CDH20: variants seen among roughly 807,000 people sequenced by gnomAD.
The protein encoded by CDH20 is cadherin-20.
A neutral mutation model predicts 74.2 loss-of-function variants in CDH20; 29 were observed. The observed-to-expected ratio is 0.39, with a 90% confidence interval of 0.29 to 0.53. The LOEUF (loss-of-function observed/expected upper bound fraction) is 0.53, where lower values mean the gene tolerates loss of function less well. Ranked by LOEUF, CDH20 falls within the 20% of genes least tolerant of loss-of-function variation. The pLI is 0.69. For missense variants in CDH20, 988 were observed against 1,048.3 expected (o/e 0.94, Z 0.79); for synonymous variants, 469 against 405.4 (o/e 1.16, Z -1.88).
chr18:61,525,000 G>C (rs1912340415), intron 6 of CDH20, among the ~76,000 whole-genome samples: 1 of 148,716 alleles, frequency 6.7e-6, no homozygotes, highest in Non-Finnish European at 1.5e-5. Flanking sequence ...TAACTCAAAA[G>C]ATTACATACT....
intron 1 of CDH20, among the ~76,000 whole-genome samples, chr18:61,339,637 G>C (rs17736180): frequency 0.46 from 68,548 of 149,042 alleles, 17,146 homozygotes; most frequent in East Asian, 0.68. Context: ...CTAATAAAGT[G>C]ATAATTTGAT....
chr18:61,490,511 T>C lies in CDH20; in HGVS notation c.-43T>C, dbSNP rs374394371. ...AATTTGGAAAATACTCAAGTTCCAG[T>C]TGCTTATCATTCTCCTTCATTTTCT... On this transcript the variant is annotated 5_prime_UTR_variant, in exon 2 of 12. Coordinates refer to ENST00000262717, the MANE Select transcript of CDH20 (RefSeq NM_031891.4). 1.2e-4 allele frequency: 197 copies of C among 1,593,016 alleles called. 1 individual carries two copies. Among genetic ancestry groups the C allele is most frequent in the Non-Finnish European group, 1.6e-4 (184 of 1,163,982 alleles).
At chr18:61,428,347 C>G (rs180972765) in intron 1 of CDH20, among the ~76,000 whole-genome samples, 193 of 152,278 alleles carry the variant, frequency 1.3e-3, no homozygotes, top group Non-Finnish European at 2.4e-3. Flanking sequence ...TAGGCGGCCC[C>G]AGATGTCTCA....
At chr18:61,430,902 C>T (rs1335536491) in intron 1 of CDH20, among the ~76,000 whole-genome samples, 1 of 152,098 alleles carries the variant, frequency 6.6e-6, no homozygotes, top group African/African-American at 2.4e-5. Flanking sequence ...GCCCTGGTTC[C>T]TTTTCCTGGA....
chr18:61,412,248 T>C (rs949781568), intron 1 of CDH20, among the ~76,000 whole-genome samples: 15 of 152,086 alleles, frequency 9.9e-5, no homozygotes, highest in African/African-American at 2.2e-4. Flanking sequence ...GACATAAACA[T>C]TGAAAAGATT....
intron 1 of CDH20, among the ~76,000 whole-genome samples, chr18:61,349,675 C>T (rs992510730): frequency 4.6e-5 from 7 of 151,660 alleles, no homozygotes; most frequent in Non-Finnish European, 8.8e-5. Context: ...CATATCTCTC[C>T]TAAGACTAAA....
intron 1 of CDH20, among the ~76,000 whole-genome samples, chr18:61,419,607 C>T (rs1451628040): frequency 6.6e-6 from 1 of 152,040 alleles, no homozygotes; most frequent in Non-Finnish European, 1.5e-5. Flanking sequence ...GTATCTTTTC[C>T]CAATCTGAAA....
At chr18:61,478,447 T>C (rs1158925753) in intron 1 of CDH20, among the ~76,000 whole-genome samples, 1 of 152,102 alleles carries the variant, frequency 6.6e-6, no homozygotes, top group Non-Finnish European at 1.5e-5. Context: ...ATTTTTCTTT[T>C]CTACCTTTGA....
chr18:61,350,984 G>A (rs989842721), intron 1 of CDH20, among the ~76,000 whole-genome samples: 1 of 152,150 alleles, frequency 6.6e-6, no homozygotes, highest in East Asian at 1.9e-4. Context: ...ACACATTAGC[G>A]TCTTCCAGTC....
chr18:61,545,526 G>GA (rs1187740441), intron 10 of CDH20, among the ~76,000 whole-genome samples: 2 of 152,124 alleles, frequency 1.3e-5, no homozygotes, highest in Non-Finnish European at 2.9e-5. Flanking sequence ...TCCCGTGCCA[G>GA]AAACACTGCA....
intron 1 of CDH20, among the ~76,000 whole-genome samples, chr18:61,477,324 G>C (rs997581545): frequency 6.6e-6 from 1 of 152,230 alleles, no homozygotes; most frequent in African/African-American, 2.4e-5. Context: ...ACTGGGATCT[G>C]TAGATAATGG....
intron 4 of CDH20, among the ~76,000 whole-genome samples, chr18:61,501,259 C>T (rs1911375510): frequency 1.3e-5 from 2 of 152,016 alleles, no homozygotes; most frequent in African/African-American, 2.4e-5. Flanking sequence ...CTGTCTTACC[C>T]GAGAGCTTTG....
At chr18:61,551,446 A>T (rs539627539) in intron 11 of CDH20, among the ~76,000 whole-genome samples, 88 of 152,320 alleles carry the variant, frequency 5.8e-4, no homozygotes, top group African/African-American at 2.0e-3. Flanking sequence ...CCAAAGAAAG[A>T]AGTTCCTGTG....
chr18:61,554,852 T>G lies in CDH20; in HGVS notation c.*157T>G. ...TCTCTCTGGATCAGCTTTACTTGGG[T>G]AGATTAAGTTAAATAAGCAAAAGGA... is the stretch of plus-strand genomic sequence containing the variant. On this transcript the variant is annotated 3_prime_UTR_variant, in exon 12 of 12. Coordinates refer to ENST00000262717, the MANE Select transcript of CDH20 (RefSeq NM_031891.4). The G allele has an allele frequency of 7.1e-7, 1 of 1,407,652 alleles. No individual in the cohort carries two copies. The allele number at this position is 1,407,652 out of a possible 1,614,324, so 87.2% of individuals were successfully genotyped here. A position where few individuals can be genotyped will look rare whatever the true frequency, so the allele number is the denominator to read the frequency against.
At chr18:61,450,765 G>A (rs1281515457) in intron 1 of CDH20, among the ~76,000 whole-genome samples, 1 of 152,030 alleles carries the variant, frequency 6.6e-6, no homozygotes, top group African/African-American at 2.4e-5. Context: ...GCTTTTAAGT[G>A]TACCACGGCC....
At chr18:61,478,358 C>T (rs1007258774) in intron 1 of CDH20, among the ~76,000 whole-genome samples, 1 of 152,052 alleles carries the variant, frequency 6.6e-6, no homozygotes, top group Non-Finnish European at 1.5e-5. Context: ...AATAAGCCCT[C>T]GTTTTCTCTT....
intron 1 of CDH20, among the ~76,000 whole-genome samples, chr18:61,437,644 A>C (rs905657557): frequency 6.6e-5 from 10 of 152,176 alleles, no homozygotes; most frequent in Non-Finnish European, 8.8e-5. Flanking sequence ...GGTTAAGAAT[A>C]GTATCCTGGA....
At chr18:61,482,912 T>C (rs971891302) in intron 1 of CDH20, among the ~76,000 whole-genome samples, 10 of 152,224 alleles carry the variant, frequency 6.6e-5, no homozygotes, top group African/African-American at 2.2e-4. Flanking sequence ...TTATCTGGAT[T>C]TCCTGCCTCC....
chr18:61,357,280 C>T (rs1226055762), intron 1 of CDH20, among the ~76,000 whole-genome samples: 2 of 152,172 alleles, frequency 1.3e-5, no homozygotes, highest in Non-Finnish European at 2.9e-5. Flanking sequence ...AGAATCTGGC[C>T]CTAACCATTT....
Sources: allele counts gnomAD v4.1 joint callset (sites outside exome capture counted in the v4.1 genomes callset), GRCh38; gene constraint gnomAD v4.1.1; transcripts MANE v1.5; gene names NCBI Gene and HGNC (gene_info 2026-07-23, HGNC 2026-07-21).